Variants in GRM5 observed in about 807,000 individuals in gnomAD.
GRM5 encodes the protein glutamate metabotropic receptor 5.
GRM5 carries 19 observed loss-of-function variants against 83.1 expected under a neutral mutation model. That is an observed-to-expected ratio of 0.23 (90% confidence interval 0.16 to 0.34). The LOEUF (loss-of-function observed/expected upper bound fraction) is 0.34. Among genes scored for constraint, GRM5 ranks in the 10% least tolerant of loss-of-function variants. The pLI is 1.00. For synonymous variants in GRM5, 675 were observed against 633.6 expected, an observed-to-expected ratio of 1.07 and a Z score of -0.98; for missense variants, 1,160 against 1,588.3, an observed-to-expected ratio of 0.73 and a Z score of 4.58.
In GRM5 at chr11:88,984,912, A is replaced by G. The variant is rs541099519; in HGVS notation, c.661+62300T>C. 72 of 625,262 alleles carry G rather than the reference A, an allele frequency of 1.2e-4. No individual in the cohort carries two copies. In the Admixed American group the frequency reaches 1.6e-3, roughly 14 times the overall value. 38.7% of individuals were successfully genotyped at this position (625,262 alleles called of 1,614,324 possible). Reference sequence around the variant, plus strand: ...GAAAATAAATTTTATGTTGTTATCAATGATATTTTTAAATGCCATTTTAAT... The same window carrying G: ...GAAAATAAATTTTATGTTGTTATCAGTGATATTTTTAAATGCCATTTTAAT... On this transcript the variant is annotated intron_variant, in intron 2 of 9. Transcript: ENST00000305447.
At position 88,842,769 on chromosome 11, in the gene GRM5, C is replaced by T. The variant is rs138023223; in HGVS notation, c.911+7137G>A. On this transcript the variant is annotated intron_variant, in intron 3 of 9. Transcript: ENST00000305447. Reference sequence around the variant, plus strand: ...ATTCCTCTCTTAATTTTAACAAACACGTCCTTGATTTGCTATTATCCTGAT... The same window carrying T: ...ATTCCTCTCTTAATTTTAACAAACATGTCCTTGATTTGCTATTATCCTGAT... Among the ~76,000 whole-genome samples, 1,496 of 152,180 alleles carry T rather than the reference C, an allele frequency of 9.8e-3. 30 individuals carry two copies. The highest frequency in any genetic ancestry group is 0.014 in the South Asian group (68 of 4,818).
At chr11:88,645,939 G>A (rs767102186) in intron 4 of GRM5, among the ~76,000 whole-genome samples, 20 of 152,138 alleles carry the variant, frequency 1.3e-4, no homozygotes, top group Non-Finnish European at 2.5e-4. Flanking sequence ...GCATGGATGA[G>A]TGTATCATTT....
At chr11:88,969,840 ATGAC>A (rs1939113490) in intron 2 of GRM5, among the ~76,000 whole-genome samples, 1 of 152,154 alleles carries the variant, frequency 6.6e-6, no homozygotes, top group Admixed American at 6.5e-5. Flanking sequence ...TTATATTTCC[ATGAC>A]TGTCTTCATA....
chr11:88,592,647 CTT>C (rs1395989400), intron 6 of GRM5, among the ~76,000 whole-genome samples: 3 of 152,160 alleles, frequency 2.0e-5, no homozygotes, highest in Admixed American at 6.5e-5. Flanking sequence ...ATTACAATCT[CTT>C]TTTGAATCAA....
Position 88,516,883 on chromosome 11 carries a change from TG to T in GRM5, c.2727-7380del, listed in dbSNP as rs759516125. The stretch of plus-strand genomic sequence containing the variant: ...CCATTATTTTGCTTAATGTCAATCT[TG>T]TTGCTTCCTCAAAGACAATAGAAAT... On this transcript the variant is annotated intron_variant, in intron 9 of 9. Transcript: ENST00000305447. Among the ~76,000 whole-genome samples, 5 of 152,278 alleles carry T rather than the reference TG, an allele frequency of 3.3e-5. No individual in the cohort carries two copies. The South Asian group carries it at 1.0e-3, about 32-fold the overall frequency.
intron 4 of GRM5, among the ~76,000 whole-genome samples, chr11:88,608,371 C>CCCCA (rs1271535645): frequency 5.3e-5 from 8 of 152,062 alleles, no homozygotes; most frequent in Non-Finnish European, 2.9e-5. Context: ...CTCTACCTCC[C>CCCCA]CCCACCAACA....
At chr11:88,751,974 G>A (rs12276694) in intron 3 of GRM5, among the ~76,000 whole-genome samples, 75,277 of 151,988 alleles carry the variant, frequency 0.5, 22,577 homozygotes, top group Non-Finnish European at 0.7. Context: ...AGCTATATAT[G>A]ACAAATCTAC....
intron 3 of GRM5, among the ~76,000 whole-genome samples, chr11:88,666,710 A>G (rs961228514): frequency 5.9e-5 from 9 of 151,800 alleles, no homozygotes; most frequent in Non-Finnish European, 1.2e-4. Flanking sequence ...GATAGGCTCC[A>G]ACAAAAATGG....
chr11:88,635,003 A>C (rs1428731004), intron 4 of GRM5, among the ~76,000 whole-genome samples: 9 of 152,278 alleles, frequency 5.9e-5, no homozygotes, highest in Non-Finnish European at 1.3e-4. Flanking sequence ...CAAGGTGTAG[A>C]CTGAATTTTG....
chr11:88,936,530 C>A (rs761951980), intron 2 of GRM5, among the ~76,000 whole-genome samples: 17 of 151,706 alleles, frequency 1.1e-4, no homozygotes, highest in Non-Finnish European at 2.1e-4. Flanking sequence ...GCTGTGAAAA[C>A]ATGGAAAACA....
intron 8 of GRM5, among the ~76,000 whole-genome samples, chr11:88,550,782 C>G (rs1260282466): frequency 6.6e-6 from 1 of 152,166 alleles, no homozygotes. Context: ...AAATGTCTTT[C>G]TCAATACTGA....
chr11:88,657,835 TAGTCCC>T (rs1939803536), intron 3 of GRM5, among the ~76,000 whole-genome samples: 1 of 152,174 alleles, frequency 6.6e-6, no homozygotes, highest in Admixed American at 6.6e-5. Flanking sequence ...TCACAATCAA[TAGTCCC>T]AGTATCTCAC....
intron 3 of GRM5, among the ~76,000 whole-genome samples, chr11:88,745,188 T>C (rs1565211209): frequency 9.9e-5 from 3 of 30,390 alleles, no homozygotes; most frequent in African/African-American, 2.1e-4. Context: ...TTTTTTTTCT[T>C]TTTATTTTTC....
chr11:88,607,246 C>T (rs937946550), intron 4 of GRM5, among the ~76,000 whole-genome samples: 1 of 152,166 alleles, frequency 6.6e-6, no homozygotes, highest in African/African-American at 2.4e-5. Flanking sequence ...CCACATTTTA[C>T]CTCACACTGC....
chr11:88,980,785 T>A (rs2135022670), intron 2 of GRM5, among the ~76,000 whole-genome samples: 1 of 152,104 alleles, frequency 6.6e-6, no homozygotes, highest in South Asian at 2.1e-4. Flanking sequence ...ATCTCACCAC[T>A]GCACTCCAGC....
intron 3 of GRM5, among the ~76,000 whole-genome samples, chr11:88,719,575 C>A (rs773212004): frequency 3.3e-5 from 5 of 152,014 alleles, no homozygotes; most frequent in Non-Finnish European, 7.4e-5. Flanking sequence ...GGGGTATATA[C>A]CCAGTAATGG....
chr11:88,723,565 G>A (rs1941600307), intron 3 of GRM5, among the ~76,000 whole-genome samples: 1 of 151,948 alleles, frequency 6.6e-6, no homozygotes, highest in Non-Finnish European at 1.5e-5. Flanking sequence ...ACAAATGGTT[G>A]TTACTATGGA....
intron 4 of GRM5, among the ~76,000 whole-genome samples, chr11:88,643,220 T>C (rs903309668): frequency 3.9e-5 from 6 of 151,996 alleles, no homozygotes; most frequent in Non-Finnish European, 5.9e-5. Context: ...AGGCACATCA[T>C]ATGGCCAGAG....
At chr11:88,781,336 C>T (rs534915085) in intron 3 of GRM5, among the ~76,000 whole-genome samples, 10 of 152,056 alleles carry the variant, frequency 6.6e-5, no homozygotes, top group African/African-American at 1.7e-4. Flanking sequence ...GAATCAGCAG[C>T]AAAGAACTGG....
Sources: gnomAD v4.1 joint callset for allele counts (sites outside exome capture counted in the v4.1 genomes callset) on GRCh38, gnomAD v4.1.1 for gene constraint, MANE v1.5 for transcripts, NCBI Gene and HGNC (gene_info 2026-07-23, HGNC 2026-07-21) for gene names.